Variants in PPIB observed in about 807,000 individuals in gnomAD.
The protein encoded by PPIB is peptidyl-prolyl cis-trans isomerase B.
PPIB carries 15 observed loss-of-function variants against 20.1 expected under a neutral mutation model. The observed-to-expected ratio is 0.75, with a 90% CI of 0.50 to 1.15. The LOEUF is 1.15. Ranked by LOEUF, PPIB falls within the 50% of genes most tolerant of loss-of-function variation. The probability of loss-of-function intolerance (pLI) is 0.00; values close to 1 mark genes in which losing one functional copy is unlikely to be tolerated. For synonymous variants in PPIB, 129 were observed against 111.0 expected, an observed-to-expected ratio of 1.16 and a Z score of -1.02; for missense variants, 278 against 283.0, an observed-to-expected ratio of 0.98 and a Z score of 0.13.
At position 64,161,993 on chromosome 15, in the gene PPIB, G is replaced by C. The variant is rs1451409254; in HGVS notation, c.249+48C>G. ...AGGTCAGTTTGCTGCCATCCCCAGT[G>C]CCAATTTCACTTCATGTGAGTTGAC... On this transcript the variant is annotated intron_variant, in intron 2 of 4. Coordinates refer to ENST00000300026, the MANE Select transcript of PPIB (RefSeq NM_000942.5). The surrounding 1 kb of genome is among the most constrained non-coding windows in gnomAD (Gnocchi z 4.2). 7.2e-7 allele frequency: 1 copy of C among 1,386,914 alleles called. No homozygotes were observed. Among genetic ancestry groups the C allele is most frequent in the Non-Finnish European group, 1.0e-6 (1 of 973,474 alleles). The allele number at this position is 1,386,914 out of a possible 1,614,324, so 85.9% of individuals were successfully genotyped here.
rs137853865 is a variant in PPIB at position 64,162,866 on chromosome 15, TG to T, written c.120del (p.Val42SerfsTer16). 15 of 1,611,718 alleles carry T rather than the reference TG, an allele frequency of 9.3e-6. No homozygotes were observed. Among genetic ancestry groups the T allele is most frequent in the Non-Finnish European group, 1.3e-5 (15 of 1,179,226 alleles). ...CTCCACCGGACCTTGACGGTGACTT[TG>T]GGCCCCTTCTTCTTCTCATCGGCCG... Reference protein sequence around the residue: ...PSAADEKKKGPKVTVKVYFDL... With the variant: ...PSAADEKKKGXKVTVKVYFDL... On this transcript the variant is annotated frameshift_variant, in exon 1 of 5. Coordinates refer to ENST00000300026, the MANE Select transcript of PPIB (RefSeq NM_000942.5). LOFTEE classifies it high-confidence loss of function.
Position 64,161,813 on chromosome 15 carries a change from C to T in PPIB, c.249+228G>A, listed in dbSNP as rs768341268. On this transcript the variant is annotated intron_variant, in intron 2 of 4. Transcript: ENST00000300026. The surrounding 1 kb of genome is among the most constrained non-coding windows in gnomAD (Gnocchi z 4.2). ...TGAACTCCTGGGCTCAAGCAATCCT[C>T]CTACTTTGGCCTCCAAAAGTGCTGG... is the stretch of plus-strand genomic sequence containing the variant. 2.0e-5 allele frequency among the ~76,000 whole-genome samples: 3 copies of T among 152,150 alleles called. No homozygotes were observed. Among genetic ancestry groups the T allele is most frequent in the Non-Finnish European group, 2.9e-5 (2 of 68,018 alleles).
chr15:64,156,884 G>T lies in PPIB; in HGVS notation c.369C>A (p.Phe123Leu). The T allele has an allele frequency of 2.5e-6, 4 of 1,614,182 alleles. No homozygotes were observed. Among genetic ancestry groups the T allele is most frequent in the Non-Finnish European group, 3.4e-6 (4 of 1,180,028 alleles). ...GCTTCAGTTTGAAGTTCTCATCGGG[G>T]AAGCGCTCACCGTAGATGCTCTTTC... ...TGGKSIYGER[F>L]PDENFKLKHY... Residue 123 changes from phenylalanine (F) to leucine (L), a missense_variant, in exon 4 of 5, where the codon TTC becomes TTA. Transcript: ENST00000300026. The surrounding 1 kb of genome is among the most constrained non-coding windows in gnomAD (Gnocchi z 6.4).
Position 64,156,104 on chromosome 15 carries a change from C to T in PPIB, c.570G>A (p.Arg190=). Residue 190 remains arginine (R), a synonymous_variant, in exon 5 of 5, where the codon CGG becomes CGA. Transcript: ENST00000300026. This position sits in a 1 kb window ranked among gnomAD's most constrained non-coding sequence, Gnocchi z 6.4. ...TGATCACATCCTTCAGGGGTTTATC[C>T]CGGCTGTCTGTCTTGGTGCTCTCCA... ...RKVESTKTDS[R]DKPLKDVIIA... 6 of 1,614,158 alleles carry T rather than the reference C, an allele frequency of 3.7e-6. No individual in the cohort carries two copies. The highest frequency in any genetic ancestry group is 3.4e-6 in the Non-Finnish European group (4 of 1,180,034).
Position 64,161,075 on chromosome 15 carries a change from C to A in PPIB, c.250-878G>T, listed in dbSNP as rs1340740913. Reference sequence around the variant, plus strand: ...TCCTGGGTTCAACAAATTCTCCTGCCTCAGCCTCCCAAGTAGCTGGAATTA... The same window carrying A: ...TCCTGGGTTCAACAAATTCTCCTGCATCAGCCTCCCAAGTAGCTGGAATTA... On this transcript the variant is annotated intron_variant, in intron 2 of 4. Transcript: ENST00000300026. This position sits in a 1 kb window ranked among gnomAD's most constrained non-coding sequence, Gnocchi z 4.2. Among the ~76,000 whole-genome samples, 1 of 151,976 alleles carries A rather than the reference C, an allele frequency of 6.6e-6. No individual in the cohort carries two copies. The highest frequency in any genetic ancestry group is 2.4e-5 in the African/African-American group (1 of 41,352).
rs1288380700 is a variant in PPIB, at chr15:64,158,619, CCT to C, written c.343+1483_343+1484del. On this transcript the variant is annotated intron_variant, in intron 3 of 4. Transcript: ENST00000300026. This position sits in a 1 kb window ranked among gnomAD's most constrained non-coding sequence, Gnocchi z 4.7. ...TCATCCTCTTACTCAGCTCTGTGGC[CCT>C]GACTCCCTGCAGGCCGAAGCCCAGG... is the stretch of plus-strand genomic sequence containing the variant. 6.6e-6 allele frequency among the ~76,000 whole-genome samples: 1 copy of C among 152,172 alleles called. No homozygotes were observed. The highest frequency in any genetic ancestry group is 2.4e-5 in the African/African-American group (1 of 41,432).
At position 64,157,970 on chromosome 15, in the gene PPIB, G is replaced by C. The variant is rs1010484850; in HGVS notation, c.344-1061C>G. 3.3e-5 allele frequency among the ~76,000 whole-genome samples: 5 copies of C among 152,186 alleles called. No individual in the cohort carries two copies. Among genetic ancestry groups the C allele is most frequent in the Non-Finnish European group, 7.3e-5 (5 of 68,036 alleles). ...CCACATGTGCAGTGAGACCTGGCTGGAGTGCTGGCTAAAAGCCTCCCCCAT... is the reference window on the plus strand; with the variant it reads ...CCACATGTGCAGTGAGACCTGGCTGCAGTGCTGGCTAAAAGCCTCCCCCAT... On this transcript the variant is annotated intron_variant, in intron 3 of 4. Transcript: ENST00000300026. This position sits in a 1 kb window ranked among gnomAD's most constrained non-coding sequence, Gnocchi z 4.2.
rs1555495903 is a variant in PPIB at position 64,155,818 on chromosome 15, A to AG, written c.*204_*205insC. On this transcript the variant is annotated 3_prime_UTR_variant, in exon 5 of 5. Coordinates refer to ENST00000300026, the MANE Select transcript of PPIB (RefSeq NM_000942.5). ...CAAGAACCAGGCCCACACATTATAT[A>AG]TTAAAAAAAAAAAAACCCACATTTT... 9.8e-6 allele frequency: 5 copies of AG among 512,120 alleles called. No individual in the cohort carries two copies. In the East Asian group the frequency reaches 2.1e-4, roughly 21 times the overall value. The allele number at this position is 512,120 out of a possible 1,614,324, so 31.7% of individuals were successfully genotyped here.
At position 64,158,971 on chromosome 15, in the gene PPIB, T is replaced by C. The variant is rs1286338334; in HGVS notation, c.343+1133A>G. 1.3e-5 allele frequency among the ~76,000 whole-genome samples: 2 copies of C among 152,150 alleles called. No individual in the cohort carries two copies. Among genetic ancestry groups the C allele is most frequent in the African/African-American group, 4.8e-5 (2 of 41,420 alleles). ...GCCCCACAACTCTCTCCACCCTCAC[T>C]GTACAGAACAGGAAACTGAAGCTCC... On this transcript the variant is annotated intron_variant, in intron 3 of 4. Coordinates refer to ENST00000300026, the MANE Select transcript of PPIB (RefSeq NM_000942.5). This position sits in a 1 kb window ranked among gnomAD's most constrained non-coding sequence, Gnocchi z 4.7.
At position 64,156,422 on chromosome 15, in the gene PPIB, G is replaced by A. The variant is rs545577945; in HGVS notation, c.529-277C>T. 113 of 619,486 alleles carry A rather than the reference G, an allele frequency of 1.8e-4. No homozygotes were observed. The South Asian group carries it at 2.1e-3, about 11-fold the overall frequency. The allele number at this position is 619,486 out of a possible 1,614,324, so 38.4% of individuals were successfully genotyped here. A position where few individuals can be genotyped will look rare whatever the true frequency, so the allele number is the denominator to read the frequency against. On this transcript the variant is annotated intron_variant, in intron 4 of 4. Coordinates refer to ENST00000300026, the MANE Select transcript of PPIB (RefSeq NM_000942.5). The surrounding 1 kb of genome is among the most constrained non-coding windows in gnomAD (Gnocchi z 6.4). ...GTGACCAGGGCATGTGGCTTCTCAG[G>A]GACATTGCGTTCAGCTGCACTCTGT...
rs545762413 is a variant in PPIB at position 64,157,275 on chromosome 15, A to G, written c.344-366T>C. Reference sequence around the variant, plus strand: ...CCGTGCAGGATGCAGGGGAGTCAACAGGGTCGGAACTCTCCAGAAAAGGAG... The same window carrying G: ...CCGTGCAGGATGCAGGGGAGTCAACGGGGTCGGAACTCTCCAGAAAAGGAG... On this transcript the variant is annotated intron_variant, in intron 3 of 4. Coordinates refer to ENST00000300026, the MANE Select transcript of PPIB (RefSeq NM_000942.5). The surrounding 1 kb of genome is among the most constrained non-coding windows in gnomAD (Gnocchi z 4.2). 2.7e-5 allele frequency: 8 copies of G among 298,578 alleles called. No homozygotes were observed. The highest frequency in any genetic ancestry group is 8.5e-5 in the African/African-American group (4 of 46,836). The allele number at this position is 298,578 out of a possible 1,614,324, so 18.5% of individuals were successfully genotyped here.
At position 64,155,839 on chromosome 15, in the gene PPIB, AT is replaced by A. The variant is rs376202696; in HGVS notation, c.*183del. The A allele has an allele frequency of 8.4e-4, 646 of 771,958 alleles. No homozygotes were observed. The highest frequency in any genetic ancestry group is 1.0e-3 in the Non-Finnish European group (500 of 502,340). 47.8% of individuals were successfully genotyped at this position (771,958 alleles called of 1,614,324 possible). A position where few individuals can be genotyped will look rare whatever the true frequency, so the allele number is the denominator to read the frequency against. On this transcript the variant is annotated 3_prime_UTR_variant, in exon 5 of 5. Coordinates refer to ENST00000300026, the MANE Select transcript of PPIB (RefSeq NM_000942.5). The stretch of plus-strand genomic sequence containing the variant: ...ATATATTAAAAAAAAAAAAACCCAC[AT>A]TTTTTTTTATTGGTCAGTGTTGGTA...
intron 1 of PPIB, 87 bp from the exon 2 acceptor site, chr15:64,162,241 G>C (rs1009132043): frequency 6.4e-6 from 6 of 934,814 alleles, no homozygotes; most frequent in Non-Finnish European, 1.1e-5. Context: ...CTGAGGATGG[G>C]AGAGAGAATA....
chr15:64,156,209 G>T lies in PPIB; in HGVS notation c.529-64C>A. ...CAGGAGGTCCACCGCTCAGGAGAAAGGCCCCAGCGTATGGCTCAGGAGGGC... is the reference window on the plus strand; with the variant it reads ...CAGGAGGTCCACCGCTCAGGAGAAATGCCCCAGCGTATGGCTCAGGAGGGC... On this transcript the variant is annotated intron_variant, in intron 4 of 4. Coordinates refer to ENST00000300026, the MANE Select transcript of PPIB (RefSeq NM_000942.5). The surrounding 1 kb of genome is among the most constrained non-coding windows in gnomAD (Gnocchi z 6.4). 1 of 1,602,356 alleles carries T rather than the reference G, an allele frequency of 6.2e-7. No homozygotes were observed. The highest frequency in any genetic ancestry group is 1.1e-5 in the South Asian group (1 of 90,408).
rs755666526 is a variant in PPIB, at chr15:64,156,875, C to T, written c.378G>A (p.Glu126=). Residue 126 remains glutamate (E), a synonymous_variant, in exon 4 of 5, where the codon GAG becomes GAA. Transcript: ENST00000300026. The surrounding 1 kb of genome is among the most constrained non-coding windows in gnomAD (Gnocchi z 6.4). The part of the protein sequence containing the change: ...KSIYGERFPD[E]NFKLKHYGPG... ...GCCCGTAGTGCTTCAGTTTGAAGTTCTCATCGGGGAAGCGCTCACCGTAGA... is the reference window on the plus strand; with the variant it reads ...GCCCGTAGTGCTTCAGTTTGAAGTTTTCATCGGGGAAGCGCTCACCGTAGA... 5.0e-6 allele frequency: 8 copies of T among 1,614,168 alleles called. No individual in the cohort carries two copies. In the South Asian group the frequency reaches 8.8e-5, roughly 18 times the overall value.
chr15:64,156,573 G>A lies in PPIB; in HGVS notation c.528+152C>T, dbSNP rs1180005386. 4 of 971,890 alleles carry A rather than the reference G, an allele frequency of 4.1e-6. No individual in the cohort carries two copies. In the Admixed American group the frequency reaches 6.9e-5, roughly 17 times the overall value. 60.2% of individuals were successfully genotyped at this position (971,890 alleles called of 1,614,324 possible). ...AATTTAGAACCTTGGAGGCATGGAGGTACAGGGTTTATTCTGGACAGGAGC... is the reference window on the plus strand; with the variant it reads ...AATTTAGAACCTTGGAGGCATGGAGATACAGGGTTTATTCTGGACAGGAGC... On this transcript the variant is annotated intron_variant, in intron 4 of 4. Transcript: ENST00000300026. The surrounding 1 kb of genome is among the most constrained non-coding windows in gnomAD (Gnocchi z 6.4).
rs530126062 is a variant in PPIB at position 64,156,094 on chromosome 15, G to A, written c.580C>T (p.Leu194=). The change falls in exon 5 of 5, where the codon CTG becomes TTG. Residue 194 remains leucine (L), a synonymous_variant. Coordinates refer to ENST00000300026, the MANE Select transcript of PPIB (RefSeq NM_000942.5). This position sits in a 1 kb window ranked among gnomAD's most constrained non-coding sequence, Gnocchi z 6.4. ...CAGTCTGCGATGATCACATCCTTCA[G>A]GGGTTTATCCCGGCTGTCTGTCTTG... ...STKTDSRDKP[L]KDVIIADCGK... 34 of 1,614,180 alleles carry A rather than the reference G, an allele frequency of 2.1e-5. 1 individual carries two copies. The East Asian group carries it at 6.7e-4, about 32-fold the overall frequency.
In PPIB at chr15:64,161,299, G is replaced by T. The variant is rs182416935; in HGVS notation, c.249+742C>A. ...TTAATTTATTTTTTTTTTGAGACAG[G>T]GTCTCACTCTATTGCTCAGGCTGGA... On this transcript the variant is annotated intron_variant, in intron 2 of 4. Transcript: ENST00000300026. The surrounding 1 kb of genome is among the most constrained non-coding windows in gnomAD (Gnocchi z 4.2). 7.9e-5 allele frequency among the ~76,000 whole-genome samples: 12 copies of T among 151,576 alleles called. No homozygotes were observed. The East Asian group carries it at 2.3e-3, about 30-fold the overall frequency.
rs774418353 is a variant in PPIB, at chr15:64,160,072, C to G, written c.343+32G>C. On this transcript the variant is annotated intron_variant, in intron 3 of 4. Transcript: ENST00000300026. This position sits in a 1 kb window ranked among gnomAD's most constrained non-coding sequence, Gnocchi z 4.8. Reference sequence around the variant, plus strand: ...CCTCCCACTGTGGAGGCTACACTGACATACTCCTTGGCCCAGAGGACCTGT... The same window carrying G: ...CCTCCCACTGTGGAGGCTACACTGAGATACTCCTTGGCCCAGAGGACCTGT... 5.8e-6 allele frequency: 9 copies of G among 1,558,638 alleles called. No homozygotes were observed. Among genetic ancestry groups the G allele is most frequent in the Non-Finnish European group, 7.1e-6 (8 of 1,129,564 alleles).
Sources: gnomAD v4.1 joint callset for allele counts (sites outside exome capture counted in the v4.1 genomes callset) on GRCh38, gnomAD v4.1.1 for gene constraint, Gnocchi (gnomAD v3.1) non-coding constraint, MANE v1.5 for transcripts, NCBI Gene and HGNC (gene_info 2026-07-23, HGNC 2026-07-21) for gene names.